KIF6: variants seen among roughly 807,000 people sequenced by gnomAD.
KIF6 encodes kinesin family member 6, also known as kinesin-like protein KIF6.
Under a neutral mutation model 112.7 loss-of-function variants are expected in KIF6, and 106 were observed. The observed-to-expected ratio is 0.94, with a 90% CI of 0.80 to 1.11. KIF6 has a LOEUF of 1.11. KIF6 is among the 50% of genes least tolerant of loss of function. The probability of loss-of-function intolerance (pLI) is 0.00; values close to 1 mark genes in which losing one functional copy is unlikely to be tolerated. For missense variants in KIF6, 929 were observed against 964.0 expected (o/e 0.96, Z 0.48); for synonymous variants, 339 against 339.9 (o/e 1.00, Z 0.03).
chr6:39,452,186 C>T (rs1293204341), intron 13 of KIF6, among the ~76,000 whole-genome samples: 4 of 151,886 alleles, frequency 2.6e-5, no homozygotes, highest in Admixed American at 2.6e-4. Context: ...GGGCTTGGGG[C>T]CCCAATTGCC....
In KIF6 at chr6:39,342,816, C is replaced by G. The variant is rs546808326; in HGVS notation, c.2428+893G>C. ...GACCAAGGCCGGCTCTCAGTTGCGGCGCTCCATCCATGCACAAACCTCTTC... is the reference window on the plus strand; with the variant it reads ...GACCAAGGCCGGCTCTCAGTTGCGGGGCTCCATCCATGCACAAACCTCTTC... On this transcript the variant is annotated intron_variant, in intron 22 of 22. Coordinates refer to ENST00000287152, the MANE Select transcript of KIF6 (RefSeq NM_145027.6). This position sits in a 1 kb window ranked among gnomAD's most constrained non-coding sequence, Gnocchi z 4.7. 6 of 985,160 alleles carry G rather than the reference C, an allele frequency of 6.1e-6. No individual in the cohort carries two copies. The African/African-American group carries it at 1.1e-4, about 17-fold the overall frequency. 61.0% of individuals were successfully genotyped at this position (985,160 alleles called of 1,614,324 possible).
chr6:39,610,559 C>G (rs1308516538), intron 6 of KIF6, among the ~76,000 whole-genome samples: 1 of 152,214 alleles, frequency 6.6e-6, no homozygotes. Flanking sequence ...TCTGTGCTGA[C>G]AAATTGCATT....
intron 14 of KIF6, among the ~76,000 whole-genome samples, chr6:39,423,243 C>T (rs929983437): frequency 2.6e-5 from 4 of 152,144 alleles, no homozygotes; most frequent in African/African-American, 9.7e-5. Context: ...AGCCTGGCTT[C>T]CCGTAACACC....
Position 39,533,571 on chromosome 6 carries a change from C to T in KIF6, c.1645+6432G>A, listed in dbSNP as rs916524109. ...GGCCTGCCTGCCTCTGTAGGCTCCA[C>T]CTCTGGGGGCAGGGCACAGACAAAC... On this transcript the variant is annotated intron_variant, in intron 13 of 22. Coordinates refer to ENST00000287152, the MANE Select transcript of KIF6 (RefSeq NM_145027.6). Among the ~76,000 whole-genome samples the T allele has an allele frequency of 2.6e-5, 4 of 152,352 alleles. No individual in the cohort carries two copies. The East Asian group carries it at 7.7e-4, about 29-fold the overall frequency.
intron 22 of KIF6, among the ~76,000 whole-genome samples, chr6:39,339,296 T>C (rs1446324302): frequency 2.6e-5 from 4 of 152,090 alleles, no homozygotes; most frequent in African/African-American, 7.2e-5. Flanking sequence ...TGGGAAAGGA[T>C]CAGAGCCTGG....
intron 14 of KIF6, among the ~76,000 whole-genome samples, chr6:39,422,810 C>T (rs576208851): frequency 1.3e-5 from 2 of 152,316 alleles, no homozygotes; most frequent in East Asian, 1.9e-4. Flanking sequence ...CTGAATTCTG[C>T]TCACCTAAAC....
intron 13 of KIF6, among the ~76,000 whole-genome samples, chr6:39,436,915 A>G (rs1378623974): frequency 2.6e-5 from 4 of 152,066 alleles, no homozygotes; most frequent in Admixed American, 6.6e-5. Flanking sequence ...TGATATTAGT[A>G]TTTTGATAGG....
At chr6:39,569,032 A>T (rs1780494199) in intron 10 of KIF6, among the ~76,000 whole-genome samples, 1 of 152,058 alleles carries the variant, frequency 6.6e-6, no homozygotes, top group Admixed American at 6.5e-5. Flanking sequence ...GTTTCCTGAA[A>T]TCCACTCCTC....
At chr6:39,586,619 T>G (rs569876710) in intron 7 of KIF6, among the ~76,000 whole-genome samples, 1 of 152,382 alleles carries the variant, frequency 6.6e-6, no homozygotes, top group South Asian at 2.1e-4. Context: ...ACTGTAGCAT[T>G]GTGAGCCCCA....
Position 39,345,741 on chromosome 6 carries a change from G to A in KIF6, c.2280C>T (p.His760=). ...KILPSPCPSP[H]SQKQSSTSTP... is the part of the protein sequence containing the mutation. ...TGCTGGTGCTGCTCTGTTTCTGGCT[G>A]TGTGGACTGGGGCAAGGCGAGGGCA... The change falls in exon 21 of 23, where the codon CAC becomes CAT. Residue 760 remains histidine, a synonymous_variant. Transcript: ENST00000287152. The A allele has an allele frequency of 6.2e-7, 1 of 1,614,020 alleles. No homozygotes were observed. Among genetic ancestry groups the A allele is most frequent in the Non-Finnish European group, 8.5e-7 (1 of 1,179,974 alleles).
Position 39,393,248 on chromosome 6 carries a change from A to G in KIF6, c.1811-7576T>C, listed in dbSNP as rs73735527. 1.5e-3 allele frequency among the ~76,000 whole-genome samples: 222 copies of G among 152,326 alleles called. 1 individual carries two copies. Among genetic ancestry groups the G allele is most frequent in the African/African-American group, 5.0e-3 (207 of 41,584 alleles). The stretch of plus-strand genomic sequence containing the variant: ...GGCCCTCTCTCCCTAAAAGAACTCA[A>G]CTGAGGCAGCCAAGCGTGGAGGGTG... On this transcript the variant is annotated intron_variant, in intron 15 of 22. Coordinates refer to ENST00000287152, the MANE Select transcript of KIF6 (RefSeq NM_145027.6).
chr6:39,553,588 AAG>A (rs1241720436), intron 10 of KIF6, among the ~76,000 whole-genome samples: 2 of 152,256 alleles, frequency 1.3e-5, no homozygotes, highest in African/African-American at 4.8e-5. Flanking sequence ...GACAACTTTA[AAG>A]ACAGTAGGGC....
intron 16 of KIF6, among the ~76,000 whole-genome samples, chr6:39,367,319 G>A (rs576953066): frequency 6.6e-6 from 1 of 152,148 alleles, no homozygotes; most frequent in Non-Finnish European, 1.5e-5. Context: ...TCCCCACGGG[G>A]ACTCTGGCCA....
At chr6:39,481,873 A>G (rs1231446452) in intron 13 of KIF6, among the ~76,000 whole-genome samples, 1 of 152,114 alleles carries the variant, frequency 6.6e-6, no homozygotes, top group Non-Finnish European at 1.5e-5. Flanking sequence ...TCCCTTCCCT[A>G]AAGTCTGCAT....
chr6:39,696,315 A>G (rs2113820779), intron 3 of KIF6, among the ~76,000 whole-genome samples: 1 of 152,292 alleles, frequency 6.6e-6, no homozygotes, highest in Non-Finnish European at 1.5e-5. Context: ...AGTACTAAAC[A>G]TTCTCTTTAA....
chr6:39,530,206 G>A (rs1174456918), intron 13 of KIF6, among the ~76,000 whole-genome samples: 1 of 152,114 alleles, frequency 6.6e-6, no homozygotes, highest in African/African-American at 2.4e-5. Context: ...AGGAGATAAG[G>A]GTCTGGAGCC....
At chr6:39,557,875 A>G (rs1779793619) in intron 10 of KIF6, among the ~76,000 whole-genome samples, 1 of 151,506 alleles carries the variant, frequency 6.6e-6, no homozygotes, top group Non-Finnish European at 1.5e-5. Flanking sequence ...TTCATTAAAA[A>G]TTTTGAAGGA....
rs115480649 is a variant in KIF6, at chr6:39,503,043, C to G, written c.1645+36960G>C. 6.4e-3 allele frequency among the ~76,000 whole-genome samples: 978 copies of G among 152,250 alleles called. 6 individuals carry two copies. Among genetic ancestry groups the G allele is most frequent in the African/African-American group, 0.02 (820 of 41,538 alleles). On this transcript the variant is annotated intron_variant, in intron 13 of 22. Coordinates refer to ENST00000287152, the MANE Select transcript of KIF6 (RefSeq NM_145027.6). The stretch of plus-strand genomic sequence containing the variant: ...CCAAAACAACAGAATATACATTCTT[C>G]TAATTGCCACACAGCACTTACTCTA...
At chr6:39,353,746 G>A in intron 19 of KIF6, 1 of 233,004 alleles carries the variant, frequency 4.3e-6, no homozygotes, top group Non-Finnish European at 8.7e-6. Context: ...CTGGGTCTGG[G>A]ATGGCGGTGC....
Sources: gnomAD v4.1 joint callset for allele counts (sites outside exome capture counted in the v4.1 genomes callset) on GRCh38, gnomAD v4.1.1 for gene constraint, Gnocchi (gnomAD v3.1) non-coding constraint, MANE v1.5 for transcripts, NCBI Gene and HGNC (gene_info 2026-07-23, HGNC 2026-07-21) for gene names.